Variants in SMPD4 observed in about 807,000 individuals in gnomAD.
SMPD4 encodes neutral sphingomyelinase 3.
Under a neutral mutation model 97.8 loss-of-function variants are expected in SMPD4, and 58 were observed. The ratio of observed to expected loss-of-function variants is 0.59; its 90% CI spans 0.48 to 0.74. The LOEUF is 0.74. Among genes scored for constraint, SMPD4 ranks in the 30% least tolerant of loss-of-function variants. The pLI is 0.00. For synonymous variants in SMPD4, 388 were observed against 450.0 expected, an observed-to-expected ratio of 0.86 and a Z score of 1.74; for missense variants, 853 against 1,080.5, an observed-to-expected ratio of 0.79 and a Z score of 2.95.
intron 10 of SMPD4, among the ~76,000 whole-genome samples, chr2:130,162,528 C>A (rs1163341941): frequency 6.6e-6 from 1 of 152,162 alleles, no homozygotes; most frequent in Non-Finnish European, 1.5e-5. Flanking sequence ...GTGGCTCTGC[C>A]CTTGCTTGCA....
chr2:130,155,346 C>T, intron 14 of SMPD4, 87 bp from the exon 15 acceptor site: 1 of 1,526,522 alleles, frequency 6.6e-7, no homozygotes, highest in Non-Finnish European at 8.9e-7. Context: ...TGCCCTTGCT[C>T]ACCCTTGGGC....
At chr2:130,167,417 C>T (rs1249511016) in intron 9 of SMPD4, 41 bp downstream of exon 9, 38 of 1,611,250 alleles carry the variant, frequency 2.4e-5, no homozygotes, top group Non-Finnish European at 3.2e-5. Context: ...CCACCATGCC[C>T]AGCTGGCTGA....
intron 1 of SMPD4, among the ~76,000 whole-genome samples, chr2:130,179,513 A>G (rs1689291043): frequency 6.6e-6 from 1 of 151,988 alleles, no homozygotes; most frequent in Admixed American, 6.6e-5. Flanking sequence ...CAGCCTCCCG[A>G]GTAGCTGGGA....
In SMPD4 at chr2:130,164,413, G is replaced by C. The variant is rs1206237789; in HGVS notation, c.825C>G (p.Ser275=). ...VFVEMWLHHY[S]LEMYQKMQSP... ...ACTGCATTTTTTGATACATCTCCAA[G>C]GAATAGTGATGAAGCCACATTTCAA... is the stretch of plus-strand genomic sequence containing the variant. Residue 275 remains serine (S), a synonymous_variant, in exon 10 of 20, where the codon TCC becomes TCG. Coordinates refer to ENST00000680298, the MANE Select transcript of SMPD4 (RefSeq NM_017951.5). 1.2e-6 allele frequency: 2 copies of C among 1,613,986 alleles called. No homozygotes were observed. Among genetic ancestry groups the C allele is most frequent in the African/African-American group, 2.7e-5 (2 of 74,902 alleles).
chr2:130,173,311 A>G lies in SMPD4; in HGVS notation c.313T>C (p.Tyr105His). ...KLVYKLQAEDYKFDFPVSYLP... is the reference protein window; with the variant it reads ...KLVYKLQAEDHKFDFPVSYLP... ...TAGGAGACAGGAAAGTCGAACTTATAGTCTTCAGCTTGAAGCTTATAAACC... is the reference window on the plus strand; with the variant it reads ...TAGGAGACAGGAAAGTCGAACTTATGGTCTTCAGCTTGAAGCTTATAAACC... The change falls in exon 5 of 20, where the codon TAT (tyrosine) becomes CAT (histidine). Residue 105 changes from tyrosine to histidine, a missense_variant. Tyr to His is a moderately conservative substitution (Grantham distance 83, BLOSUM62 2). Transcript: ENST00000680298. The G allele has an allele frequency of 1.2e-6, 2 of 1,613,696 alleles. No homozygotes were observed. The highest frequency in any genetic ancestry group is 2.2e-5 in the East Asian group (1 of 44,850).
At chr2:130,180,855 C>T (rs998051711) in intron 1 of SMPD4, among the ~76,000 whole-genome samples, 1 of 152,136 alleles carries the variant, frequency 6.6e-6, no homozygotes, top group African/African-American at 2.4e-5. Context: ...TCTCCCACAC[C>T]CCTGTTATCT....
At chr2:130,152,906 G>C (rs761202365) in intron 19 of SMPD4, 22 bp from the exon 20 acceptor site, 1 of 1,566,598 alleles carries the variant, frequency 6.4e-7, no homozygotes, top group African/African-American at 1.4e-5. Flanking sequence ...ACAGAGGCAC[G>C]GGGATGTGGG....
chr2:130,157,385 C>T lies in SMPD4; in HGVS notation c.963G>A (p.Thr321=), dbSNP rs1012544265. Residue 321 remains threonine, a synonymous_variant, in exon 12 of 20, where the codon ACG becomes ACA. Coordinates refer to ENST00000680298, the MANE Select transcript of SMPD4 (RefSeq NM_017951.5). The part of the protein sequence containing the change: ...QALHAYQESF[T]PTEEHVLVVR... ...CCACCAACACATGCTCCTCAGTAGG[C>T]GTGAACGACTCCTGGGTGGAGAAGG... 6.8e-6 allele frequency: 11 copies of T among 1,610,010 alleles called. No individual in the cohort carries two copies. The highest frequency in any genetic ancestry group is 4.0e-5 in the African/African-American group (3 of 74,840).
At chr2:130,167,110 GTTTCT>G (rs1337136744) in intron 9 of SMPD4, among the ~76,000 whole-genome samples, 1 of 151,476 alleles carries the variant, frequency 6.6e-6, no homozygotes, top group African/African-American at 2.4e-5. Flanking sequence ...GGTGGCAACA[GTTTCT>G]TTTCTTTTTC....
intron 8 of SMPD4, among the ~76,000 whole-genome samples, chr2:130,169,882 T>C (rs1156241272): frequency 5.3e-5 from 8 of 152,186 alleles, no homozygotes; most frequent in Non-Finnish European, 1.2e-4. Context: ...CGTGGAAACT[T>C]ATCTGTAAAT....
At position 130,157,364 on chromosome 2, in the gene SMPD4, C is replaced by T; in HGVS notation, c.984G>A (p.Leu328=). The change falls in exon 12 of 20, where the codon TTG becomes TTA. Residue 328 remains leucine (L), a synonymous_variant. Transcript: ENST00000680298. ...GGTGCTTCAGCAGCAGGCGCACCAC[C>T]AACACATGCTCCTCAGTAGGCGTGA... ...ESFTPTEEHV[L]VVRLLLKHLH... is the part of the protein sequence containing the mutation. The T allele has an allele frequency of 6.2e-7, 1 of 1,606,230 alleles. No individual in the cohort carries two copies. Among genetic ancestry groups the T allele is most frequent in the Non-Finnish European group, 8.5e-7 (1 of 1,177,346 alleles).
chr2:130,173,280 G>A lies in SMPD4; in HGVS notation c.344C>T (p.Pro115Leu). ...YKFDFPVSYL[P>L]GPVKASIQEC... The stretch of plus-strand genomic sequence containing the variant: ...CTCTCGCCACTGTGGTTTACTTACA[G>A]GCAAGTAGGAGACAGGAAAGTCGAA... Residue 115 changes from proline (P) to leucine (L), a missense_variant and splice_region_variant, in exon 5 of 20, where the codon CCT becomes CTT. Physicochemically the swap from Pro to Leu is moderately conservative, Grantham distance 98. Transcript: ENST00000680298. The A allele has an allele frequency of 6.2e-7, 1 of 1,613,658 alleles. No individual in the cohort carries two copies. The highest frequency in any genetic ancestry group is 8.5e-7 in the Non-Finnish European group (1 of 1,179,732).
At chr2:130,181,378 G>A in intron 1 of SMPD4, 152 bp downstream of exon 1, 1 of 1,448,068 alleles carries the variant, frequency 6.9e-7, no homozygotes. Flanking sequence ...CTCAACCGGG[G>A]CCCTCCACTC....
At chr2:130,160,635 A>G (rs1196641410) in intron 11 of SMPD4, among the ~76,000 whole-genome samples, 1 of 152,050 alleles carries the variant, frequency 6.6e-6, no homozygotes, top group Non-Finnish European at 1.5e-5. Context: ...GCTGTCAAGG[A>G]CTGACAGCTT....
rs1306464060 is a variant in SMPD4 at position 130,154,674 on chromosome 2, G to A, written c.1454-192C>T. 4.4e-6 allele frequency: 3 copies of A among 680,056 alleles called. No homozygotes were observed. In the Admixed American group the frequency reaches 6.4e-5, roughly 15 times the overall value. 42.1% of individuals were successfully genotyped at this position (680,056 alleles called of 1,614,324 possible). ...GGGGAGGGCGGATGGGGGAGCTGCTGGCTCACAGAGCCCCTAGCAGTGTCT... is the reference window on the plus strand; with the variant it reads ...GGGGAGGGCGGATGGGGGAGCTGCTAGCTCACAGAGCCCCTAGCAGTGTCT... On this transcript the variant is annotated intron_variant, in intron 15 of 19. Coordinates refer to ENST00000680298, the MANE Select transcript of SMPD4 (RefSeq NM_017951.5).
chr2:130,179,312 G>A (rs867093667), intron 1 of SMPD4, among the ~76,000 whole-genome samples: 3 of 151,768 alleles, frequency 2.0e-5, no homozygotes, highest in African/African-American at 4.8e-5. Flanking sequence ...TAGTAGAGAC[G>A]GGGTTTCACT....
Position 130,176,563 on chromosome 2 carries a change from G to A in SMPD4, c.30C>T (p.Ser10=), listed in dbSNP as rs760122422. 1.2e-6 allele frequency: 2 copies of A among 1,612,518 alleles called. No homozygotes were observed. The highest frequency in any genetic ancestry group is 1.7e-6 in the Non-Finnish European group (2 of 1,179,332). ...AGCAGTTGATATTTACCAGTAGAAA[G>A]CTGGGCTGCTGCAGGTGAGGGAACG... MAFPHLQQP[S]FLLASLKADS... The change falls in exon 2 of 20, where the codon AGC becomes AGT. Residue 10 remains serine (S), a synonymous_variant. Coordinates refer to ENST00000680298, the MANE Select transcript of SMPD4 (RefSeq NM_017951.5).
At position 130,155,117 on chromosome 2, in the gene SMPD4, G is replaced by A; in HGVS notation, c.1432C>T (p.Leu478=). Residue 478 remains leucine, a synonymous_variant, in exon 15 of 20, where the codon CTG becomes TTG. Transcript: ENST00000680298. ...RVAKVFAQPN[L]AEMIQKGEQL... is the part of the protein sequence containing the mutation. Reference sequence around the variant, plus strand: ...TTACCTTTCTGAATCATCTCAGCCAGGTTGGGCTGGGCAAAGACTTTGGCC... The same window carrying A: ...TTACCTTTCTGAATCATCTCAGCCAAGTTGGGCTGGGCAAAGACTTTGGCC... 1.2e-6 allele frequency: 2 copies of A among 1,614,226 alleles called. No individual in the cohort carries two copies. Among genetic ancestry groups the A allele is most frequent in the South Asian group, 1.1e-5 (1 of 91,090 alleles).
intron 19 of SMPD4, 78 bp from the exon 20 acceptor site, chr2:130,152,962 G>A: frequency 6.4e-7 from 1 of 1,556,718 alleles, no homozygotes; most frequent in Non-Finnish European, 8.7e-7. Context: ...CACCCTCACA[G>A]GCCACCCCAG....
Sources: gnomAD v4.1 joint callset for allele counts (sites outside exome capture counted in the v4.1 genomes callset) on GRCh38, gnomAD v4.1.1 for gene constraint, MANE v1.5 for transcripts, NCBI Gene and HGNC (gene_info 2026-07-23, HGNC 2026-07-21) for gene names.